Variants in CDH8 observed in about 807,000 individuals in gnomAD.
CDH8 encodes cadherin 8, also known as cadherin-8.
A neutral mutation model predicts 68.1 loss-of-function variants in CDH8; 17 were observed. The ratio of observed to expected loss-of-function variants is 0.25; its 90% CI spans 0.17 to 0.37. The LOEUF (loss-of-function observed/expected upper bound fraction) is 0.37, where lower values mean the gene tolerates loss of function less well. CDH8 is among the 10% of genes least tolerant of loss of function. The pLI is 1.00. For missense variants in CDH8, 763 were observed against 999.3 expected, an observed-to-expected ratio of 0.76 and a Z score of 3.19; for synonymous variants, 372 against 365.1, an observed-to-expected ratio of 1.02 and a Z score of -0.21.
At chr16:61,787,850 CA>C (rs1777891094) in intron 8 of CDH8, among the ~76,000 whole-genome samples, 1 of 137,336 alleles carries the variant, frequency 7.3e-6, no homozygotes, top group South Asian at 2.5e-4. Context: ...AACAAAAAAC[CA>C]AACACGGCAT....
At chr16:61,929,905 AC>A (rs1268067697) in intron 2 of CDH8, among the ~76,000 whole-genome samples, 2 of 152,042 alleles carry the variant, frequency 1.3e-5, no homozygotes, top group African/African-American at 4.8e-5. Context: ...ACAAAACAAA[AC>A]AAAAAAATTG....
chr16:61,695,442 T>G (rs1412882317), intron 10 of CDH8, among the ~76,000 whole-genome samples: 1 of 152,192 alleles, frequency 6.6e-6, no homozygotes, highest in Non-Finnish European at 1.5e-5. Flanking sequence ...TTTCAACTAG[T>G]TCATGACCTT....
chr16:61,974,761 G>A (rs879850243), intron 2 of CDH8, among the ~76,000 whole-genome samples: 5 of 152,120 alleles, frequency 3.3e-5, no homozygotes, highest in African/African-American at 7.2e-5. Context: ...ATCCAAGATC[G>A]TAATACCCAG....
chr16:61,751,411 A>AAAAAAAAAAAAAAG (rs1960159289), intron 8 of CDH8, among the ~76,000 whole-genome samples: 1 of 126,342 alleles, frequency 7.9e-6, no homozygotes. Flanking sequence ...AAAAAAAAAA[A>AAAAAAAAAAAAAAG]CAAGCAGTTT....
chr16:62,012,080 G>T (rs1901828664), intron 2 of CDH8, among the ~76,000 whole-genome samples: 1 of 152,188 alleles, frequency 6.6e-6, no homozygotes, highest in Non-Finnish European at 1.5e-5. Flanking sequence ...GATGGAAAAT[G>T]CTGAACTATT....
At chr16:61,848,943 A>G (rs1567498713) in intron 4 of CDH8, among the ~76,000 whole-genome samples, 1 of 152,104 alleles carries the variant, frequency 6.6e-6, no homozygotes, top group Non-Finnish European at 1.5e-5. Context: ...TGGCCATATC[A>G]TTTAACCTCA....
intron 2 of CDH8, among the ~76,000 whole-genome samples, chr16:61,953,457 T>TG (rs1964928158): frequency 6.6e-6 from 1 of 151,996 alleles, no homozygotes; most frequent in African/African-American, 2.4e-5. Context: ...ATGGGAAAAC[T>TG]GATGTCATAT....
chr16:61,742,333 T>A (rs1959897019), intron 8 of CDH8, among the ~76,000 whole-genome samples: 1 of 152,114 alleles, frequency 6.6e-6, no homozygotes. Flanking sequence ...TATTTATGCT[T>A]TTATTTCTTC....
intron 2 of CDH8, among the ~76,000 whole-genome samples, chr16:62,014,112 C>T (rs1029996556): frequency 3.9e-5 from 6 of 152,040 alleles, no homozygotes; most frequent in East Asian, 3.9e-4. Flanking sequence ...GATTAAGAGA[C>T]GATTTGGGAG....
chr16:61,649,865 C>A lies in CDH8; in HGVS notation c.*3743G>T, dbSNP rs1010959463. 13 of 152,058 alleles carry A rather than the reference C, an allele frequency of 8.5e-5. No individual in the cohort carries two copies. The highest frequency in any genetic ancestry group is 1.5e-4 in the Non-Finnish European group (10 of 68,002). 9.4% of individuals were successfully genotyped at this position (152,058 alleles called of 1,614,324 possible). On this transcript the variant is annotated 3_prime_UTR_variant, in exon 12 of 12. Transcript: ENST00000577390. The stretch of plus-strand genomic sequence containing the variant: ...ACTCTGTTGAGTCTCAGTGTGGAAT[C>A]CAGCTGCTCCTAGGAGATTTCTAAG...
chr16:61,817,312 CCACA>C (rs3833039), intron 7 of CDH8, among the ~76,000 whole-genome samples, 163 bp downstream of exon 7: 42,093 of 147,988 alleles, frequency 0.28, 7,536 homozygotes, highest in African/African-American at 0.51. Context: ...CGTGTACACA[CCACA>C]CACACACACA....
At chr16:61,774,568 T>A (rs1960860831) in intron 8 of CDH8, among the ~76,000 whole-genome samples, 1 of 151,706 alleles carries the variant, frequency 6.6e-6, no homozygotes, top group Non-Finnish European at 1.5e-5. Flanking sequence ...TAAAAAAAGA[T>A]CCTCCCTGCC....
chr16:62,002,785 G>A (rs1357406152), intron 2 of CDH8, among the ~76,000 whole-genome samples: 1 of 152,172 alleles, frequency 6.6e-6, no homozygotes, highest in Non-Finnish European at 1.5e-5. Flanking sequence ...CGGGTGCGGT[G>A]GCTCACGCCT....
At chr16:61,810,916 C>G (rs918821630) in intron 7 of CDH8, among the ~76,000 whole-genome samples, 2 of 150,662 alleles carry the variant, frequency 1.3e-5, no homozygotes, top group African/African-American at 4.9e-5. Flanking sequence ...CCCAGCTACT[C>G]AGGAGGCTGA....
chr16:61,696,594 A>G (rs768619846), intron 10 of CDH8, among the ~76,000 whole-genome samples: 2 of 152,226 alleles, frequency 1.3e-5, no homozygotes, highest in Non-Finnish European at 2.9e-5. Flanking sequence ...TTGACCCAGC[A>G]TTTCCATTAT....
intron 3 of CDH8, among the ~76,000 whole-genome samples, chr16:61,864,978 T>C (rs1963225794): frequency 6.6e-6 from 1 of 152,178 alleles, no homozygotes; most frequent in Non-Finnish European, 1.5e-5. Flanking sequence ...ACCTCTCTTT[T>C]ATGACACATA....
chr16:61,965,742 G>C (rs1183489410), intron 2 of CDH8, among the ~76,000 whole-genome samples: 1 of 152,148 alleles, frequency 6.6e-6, no homozygotes, highest in Non-Finnish European at 1.5e-5. Context: ...GGACAGGCCT[G>C]GTGCTAGTGT....
chr16:61,960,945 G>C (rs568987422), intron 2 of CDH8, among the ~76,000 whole-genome samples: 3 of 152,264 alleles, frequency 2.0e-5, no homozygotes, highest in African/African-American at 7.2e-5. Context: ...TAGCATCTCA[G>C]ATGGGCTCCC....
At chr16:61,952,285 A>T (rs772079292) in intron 2 of CDH8, among the ~76,000 whole-genome samples, 6 of 152,218 alleles carry the variant, frequency 3.9e-5, no homozygotes, top group Non-Finnish European at 8.8e-5. Flanking sequence ...AAAAATAAAT[A>T]TATTTTGAGC....
Sources: allele counts gnomAD v4.1 joint callset (sites outside exome capture counted in the v4.1 genomes callset), GRCh38; gene constraint gnomAD v4.1.1; transcripts MANE v1.5; gene names NCBI Gene and HGNC (gene_info 2026-07-23, HGNC 2026-07-21).